Variants in TTC23 observed in about 807,000 individuals in gnomAD.
TTC23 encodes the protein tetratricopeptide repeat protein 23.
A neutral mutation model predicts 55.1 loss-of-function variants in TTC23; 58 were observed. The observed-to-expected ratio is 1.05, with a 90% CI of 0.85 to 1.31. The LOEUF is 1.31. Ranked by LOEUF, TTC23 falls within the 50% of genes most tolerant of loss-of-function variation. The pLI is 0.00. For synonymous variants in TTC23, 203 were observed against 199.9 expected (o/e 1.02, Z -0.13); for missense variants, 516 against 534.4 (o/e 0.97, Z 0.34).
rs1304367753 is a variant in TTC23 at position 99,137,947 on chromosome 15, A to G, written c.*63T>C. On this transcript the variant is annotated 3_prime_UTR_variant, in exon 14 of 14. Coordinates refer to ENST00000394132, the MANE Select transcript of TTC23 (RefSeq NM_001288615.3). ...GAATTCCATTTTCTAGGCGGAGGTG[A>G]TTTGTACAGCACCCTAAATGACAGT... 6 of 1,594,036 alleles carry G rather than the reference A, an allele frequency of 3.8e-6. No homozygotes were observed. In the African/African-American group the frequency reaches 4.0e-5, roughly 11 times the overall value.
At chr15:99,239,050 C>T (rs2079551894) in intron 3 of TTC23, among the ~76,000 whole-genome samples, 1 of 152,168 alleles carries the variant, frequency 6.6e-6, no homozygotes, top group African/African-American at 2.4e-5. Flanking sequence ...GTTTGATTGA[C>T]TCATTTCCTC....
chr15:99,187,469 C>CAAAAA (rs1451783999), intron 9 of TTC23, among the ~76,000 whole-genome samples: 11 of 110,646 alleles, frequency 9.9e-5, no homozygotes, highest in African/African-American at 1.4e-4. Flanking sequence ...AAAAAAAAAA[C>CAAAAA]AAAACAAAAG....
intron 6 of TTC23, 138 bp from the exon 7 acceptor site, chr15:99,219,186 T>A (rs553268172): frequency 2.1e-6 from 2 of 934,764 alleles, no homozygotes; most frequent in South Asian, 4.2e-5. Flanking sequence ...CTGGGCAGCA[T>A]GAAACACTGC....
At chr15:99,193,124 G>A (rs1006431293) in intron 9 of TTC23, among the ~76,000 whole-genome samples, 5 of 152,182 alleles carry the variant, frequency 3.3e-5, no homozygotes, top group Non-Finnish European at 5.9e-5. Flanking sequence ...GACTTTACAG[G>A]CTCATAGGCA....
At chr15:99,234,933 CA>C (rs1183774822) in intron 4 of TTC23, 54 bp downstream of exon 4, 1 of 149,158 alleles carries the variant, frequency 6.7e-6, no homozygotes, top group Non-Finnish European at 1.5e-5. Context: ...AACAGTTTGG[CA>C]GGGTTTAAAA....
At position 99,231,445 on chromosome 15, in the gene TTC23, T is replaced by G. The variant is rs2078925143; in HGVS notation, c.-20-2713A>C. Among the ~76,000 whole-genome samples the G allele has an allele frequency of 2.6e-5, 4 of 152,156 alleles. No homozygotes were observed. The South Asian group carries it at 6.2e-4, about 24-fold the overall frequency. ...ACATGGAGGTGGAAGGCAGTGATAT[T>G]GATGATCCTGACTGTGTAGACCTAC... On this transcript the variant is annotated intron_variant, in intron 4 of 13. Coordinates refer to ENST00000394132, the MANE Select transcript of TTC23 (RefSeq NM_001288615.3).
chr15:99,210,222 T>C (rs527424181), intron 8 of TTC23, among the ~76,000 whole-genome samples: 2 of 152,274 alleles, frequency 1.3e-5, no homozygotes, highest in East Asian at 3.9e-4. Context: ...AAGGGTATAA[T>C]GTCAGAAAAG....
At chr15:99,157,925 C>T (rs1400631907) in intron 11 of TTC23, 1 of 152,206 alleles carries the variant, frequency 6.6e-6, no homozygotes, top group African/African-American at 2.4e-5. Flanking sequence ...ATTTAACTGG[C>T]AAATACAGCA....
Position 99,139,288 on chromosome 15 carries a change from T to C in TTC23, c.1226+29A>G, listed in dbSNP as rs76801174. On this transcript the variant is annotated intron_variant, in intron 13 of 13. Transcript: ENST00000394132. ...GATTCTGAATGGAAAGGGAATGAGA[T>C]AGAGAAAGTGTGAGGGACGCCAACT... 7.8e-5 allele frequency: 73 copies of C among 941,882 alleles called. No homozygotes were observed. In the East Asian group the frequency reaches 1.7e-3, roughly 22 times the overall value. 58.3% of individuals were successfully genotyped at this position (941,882 alleles called of 1,614,324 possible). A position where few individuals can be genotyped will look rare whatever the true frequency, so the allele number is the denominator to read the frequency against.
At chr15:99,243,796 A>G (rs1365563026) in intron 2 of TTC23, among the ~76,000 whole-genome samples, 1 of 152,206 alleles carries the variant, frequency 6.6e-6, no homozygotes, top group African/African-American at 2.4e-5. Flanking sequence ...GAACACAGAG[A>G]GTAGAATGAT....
At chr15:99,216,951 CTA>C (rs893526852) in intron 8 of TTC23, among the ~76,000 whole-genome samples, 5 of 152,288 alleles carry the variant, frequency 3.3e-5, no homozygotes, top group Admixed American at 3.3e-4. Flanking sequence ...GGCAGCACTG[CTA>C]TGGCAGCAGA....
intron 9 of TTC23, among the ~76,000 whole-genome samples, chr15:99,184,245 G>A (rs1467287148): frequency 6.6e-6 from 1 of 152,190 alleles, no homozygotes; most frequent in Non-Finnish European, 1.5e-5. Flanking sequence ...CTCCACTGGG[G>A]CACTGCCTAG....
intron 3 of TTC23, among the ~76,000 whole-genome samples, chr15:99,239,625 T>C (rs2079603919): frequency 6.6e-6 from 1 of 152,228 alleles, no homozygotes; most frequent in African/African-American, 2.4e-5. Context: ...GATCCTAAGA[T>C]GTTGGCTAAC....
chr15:99,179,585 C>T (rs1243775799), intron 9 of TTC23, among the ~76,000 whole-genome samples: 1 of 152,192 alleles, frequency 6.6e-6, no homozygotes, highest in Non-Finnish European at 1.5e-5. Context: ...AAAAACATAC[C>T]ACTGAGTGAA....
At chr15:99,221,933 C>T (rs2077970957) in intron 5 of TTC23, 69 bp from the exon 6 acceptor site, 3 of 1,559,216 alleles carry the variant, frequency 1.9e-6, no homozygotes, top group Admixed American at 1.7e-5. Flanking sequence ...AATCAATGCG[C>T]TTTTATATCC....
intron 2 of TTC23, among the ~76,000 whole-genome samples, chr15:99,244,564 T>C (rs1405215440): frequency 2.0e-5 from 3 of 152,048 alleles, no homozygotes; most frequent in Non-Finnish European, 4.4e-5. Context: ...AGAGAATAAA[T>C]ATGTAGGAAT....
intron 12 of TTC23, among the ~76,000 whole-genome samples, chr15:99,142,796 G>T (rs1484487657): frequency 6.6e-6 from 1 of 152,166 alleles, no homozygotes; most frequent in Non-Finnish European, 1.5e-5. Context: ...ACAAACCCGT[G>T]TGCTCACCAT....
At chr15:99,187,458 A>AAAAAAAAAAAG (rs2074792438) in intron 9 of TTC23, among the ~76,000 whole-genome samples, 1 of 141,842 alleles carries the variant, frequency 7.1e-6, no homozygotes, top group Non-Finnish European at 1.5e-5. Context: ...CAAGCAAAAA[A>AAAAAAAAAAAG]AAAAAAAAAA....
intron 1 of TTC23, among the ~76,000 whole-genome samples, chr15:99,246,381 C>G (rs974163160): frequency 1.3e-5 from 2 of 151,950 alleles, no homozygotes; most frequent in Admixed American, 6.6e-5. Context: ...TTTGGGAGGC[C>G]GAGGTGGGCA....
Sources: allele counts gnomAD v4.1 joint callset (sites outside exome capture counted in the v4.1 genomes callset), GRCh38; gene constraint gnomAD v4.1.1; transcripts MANE v1.5; gene names NCBI Gene and HGNC (gene_info 2026-07-23, HGNC 2026-07-21).